SCFD2: variants seen among roughly 807,000 people sequenced by gnomAD.
The protein encoded by SCFD2 is sec1 family domain-containing protein 2.
SCFD2 carries 54 observed loss-of-function variants against 58.9 expected under a neutral mutation model. The observed-to-expected ratio is 0.92, with a 90% CI of 0.74 to 1.15. SCFD2 has a LOEUF of 1.15. Among genes scored for constraint, SCFD2 ranks in the 50% most tolerant of loss-of-function variants. The pLI, the probability that SCFD2 is intolerant of heterozygous loss-of-function variation, is 0.00. For synonymous variants in SCFD2, 321 were observed against 335.9 expected, an observed-to-expected ratio of 0.96 and a Z score of 0.49; for missense variants, 805 against 836.6, an observed-to-expected ratio of 0.96 and a Z score of 0.47.
At chr4:52,981,373 T>G (rs1054672405) in intron 5 of SCFD2, among the ~76,000 whole-genome samples, 1 of 152,170 alleles carries the variant, frequency 6.6e-6, no homozygotes, top group Non-Finnish European at 1.5e-5. Flanking sequence ...GGTATACACA[T>G]CCCTCTATTA....
chr4:53,291,058 A>T (rs1305884849), intron 3 of SCFD2, among the ~76,000 whole-genome samples: 1 of 152,118 alleles, frequency 6.6e-6, no homozygotes, highest in Non-Finnish European at 1.5e-5. Context: ...CCACACAAAA[A>T]AATTAGAGCT....
chr4:53,363,478 T>C (rs1734604860), intron 1 of SCFD2, among the ~76,000 whole-genome samples: 1 of 152,042 alleles, frequency 6.6e-6, no homozygotes, highest in Admixed American at 6.5e-5. Context: ...GTTATATTGA[T>C]ACTTGACTAC....
rs1553888480 is a variant in SCFD2, at chr4:53,224,388, C to CCA, written c.1311+49437_1311+49438insTG. On this transcript the variant is annotated intron_variant, in intron 4 of 8. Transcript: ENST00000401642. ...TGGGCAACAGAGCAAGACTCCGTCT[C>CCA]AAAAAAAAAAAAAAAAGAGTCTTAC... Among the ~76,000 whole-genome samples the CCA allele has an allele frequency of 5.6e-3, 87 of 15,606 alleles. 2 individuals carry two copies. The highest frequency in any genetic ancestry group is 0.012 in the Admixed American group (14 of 1,202). The allele number at this position is 15,606 out of a possible 152,430, so 10.2% of individuals were successfully genotyped here.
chr4:53,060,594 G>A (rs1577695372), intron 5 of SCFD2, among the ~76,000 whole-genome samples: 2 of 152,162 alleles, frequency 1.3e-5, no homozygotes, highest in African/African-American at 4.8e-5. Context: ...TACCTTTGGT[G>A]TGATATCTCA....
chr4:53,249,802 A>G (rs528136143), intron 4 of SCFD2, among the ~76,000 whole-genome samples: 5 of 152,240 alleles, frequency 3.3e-5, no homozygotes, highest in Middle Eastern at 3.2e-3. Flanking sequence ...TGAAGGAAGC[A>G]CTAAACATGG....
intron 5 of SCFD2, among the ~76,000 whole-genome samples, chr4:52,976,639 G>A (rs568161448): frequency 6.6e-6 from 1 of 152,292 alleles, no homozygotes; most frequent in Admixed American, 6.5e-5. Flanking sequence ...AGGAGCGGAT[G>A]TTCCCAGTGA....
intron 1 of SCFD2, among the ~76,000 whole-genome samples, chr4:53,355,626 C>A (rs1734378285): frequency 6.6e-6 from 1 of 152,204 alleles, no homozygotes; most frequent in Non-Finnish European, 1.5e-5. Flanking sequence ...CAGCTCAAAA[C>A]TCTCCAACTG....
At chr4:53,245,588 A>T (rs184978446) in intron 4 of SCFD2, among the ~76,000 whole-genome samples, 1 of 152,184 alleles carries the variant, frequency 6.6e-6, no homozygotes, top group African/African-American at 2.4e-5. Context: ...TCAACAAACT[A>T]GGTATTGAAG....
intron 2 of SCFD2, among the ~76,000 whole-genome samples, chr4:53,329,310 A>C (rs1251680976): frequency 1.3e-5 from 2 of 152,130 alleles, no homozygotes; most frequent in African/African-American, 4.8e-5. Context: ...ACAAACAAAA[A>C]GACAGCAGTA....
At chr4:52,875,130 C>A (rs1261803270) in intron 8 of SCFD2, among the ~76,000 whole-genome samples, 3 of 152,302 alleles carry the variant, frequency 2.0e-5, no homozygotes, top group Middle Eastern at 3.4e-3. Flanking sequence ...AGGATCCCAG[C>A]GCAGACAGGC....
intron 5 of SCFD2, among the ~76,000 whole-genome samples, chr4:52,998,735 C>G (rs74471498): frequency 0.033 from 4,969 of 152,094 alleles, 94 homozygotes; most frequent in Middle Eastern, 0.054. Flanking sequence ...TTACTCCTGA[C>G]TCTGCAAAAA....
At chr4:52,879,981 G>T (rs1341189012) in intron 8 of SCFD2, among the ~76,000 whole-genome samples, 1 of 152,150 alleles carries the variant, frequency 6.6e-6, no homozygotes, top group Non-Finnish European at 1.5e-5. Flanking sequence ...AGCATATATT[G>T]TATTCATGCT....
At chr4:53,351,240 G>A (rs1577995788) in intron 2 of SCFD2, among the ~76,000 whole-genome samples, 1 of 152,148 alleles carries the variant, frequency 6.6e-6, no homozygotes, top group Non-Finnish European at 1.5e-5. Context: ...GTCCAATGAG[G>A]TCATCTCTCA....
chr4:53,316,527 T>C (rs1185727435), intron 2 of SCFD2, among the ~76,000 whole-genome samples: 1 of 152,224 alleles, frequency 6.6e-6, no homozygotes, highest in Admixed American at 6.5e-5. Context: ...GTGGTGGTTG[T>C]AGTTGTTACT....
At position 53,273,327 on chromosome 4, in the gene SCFD2, GA is replaced by G. The variant is rs1215999081; in HGVS notation, c.1311+498del. Among the ~76,000 whole-genome samples, 23 of 152,210 alleles carry G rather than the reference GA, an allele frequency of 1.5e-4. No individual in the cohort carries two copies. In the East Asian group the frequency reaches 4.2e-3, roughly 28 times the overall value. On this transcript the variant is annotated intron_variant, in intron 4 of 8. Transcript: ENST00000401642. ...CCCATGAAAATATTTCATCAGTCAT[GA>G]AAAGTTCCTATCCCACATACAAATA... is the stretch of plus-strand genomic sequence containing the variant.
chr4:53,246,315 G>T (rs1343712127), intron 4 of SCFD2, among the ~76,000 whole-genome samples: 1 of 152,118 alleles, frequency 6.6e-6, no homozygotes, highest in Non-Finnish European at 1.5e-5. Context: ...AAATAACAAT[G>T]ACATTCTTTC....
At chr4:53,341,699 A>G (rs9714831) in intron 2 of SCFD2, among the ~76,000 whole-genome samples, 107,412 of 152,052 alleles carry the variant, frequency 0.71, 38,198 homozygotes, top group Admixed American at 0.77. Flanking sequence ...GTTCAGGGCC[A>G]CCAGAGAGAA....
intron 5 of SCFD2, among the ~76,000 whole-genome samples, chr4:52,971,747 T>C (rs920193419): frequency 2.6e-5 from 4 of 151,970 alleles, no homozygotes; most frequent in African/African-American, 7.3e-5. Flanking sequence ...AAGGAAAAAA[T>C]GTTCAGGGCA....
intron 4 of SCFD2, among the ~76,000 whole-genome samples, chr4:53,204,449 A>C (rs1322279513): frequency 6.6e-6 from 1 of 151,808 alleles, no homozygotes; most frequent in Non-Finnish European, 1.5e-5. Context: ...GATTGAAATT[A>C]AAAATATGAG....
Sources: gnomAD v4.1 joint callset for allele counts (sites outside exome capture counted in the v4.1 genomes callset) on GRCh38, gnomAD v4.1.1 for gene constraint, MANE v1.5 for transcripts, NCBI Gene and HGNC (gene_info 2026-07-23, HGNC 2026-07-21) for gene names.